Variants in GALNTL6 observed in about 807,000 individuals in gnomAD.
GALNTL6 encodes the protein polypeptide N-acetylgalactosaminyltransferase like 6, also known as polypeptide N-acetylgalactosaminyltransferase-like 6.
In GALNTL6, 46 loss-of-function variants were observed where a neutral mutation model predicts 73.7. The observed-to-expected ratio is 0.62, with a 90% CI of 0.49 to 0.80. The LOEUF (loss-of-function observed/expected upper bound fraction) is 0.80, where lower values mean the gene tolerates loss of function less well. Ranked by LOEUF, GALNTL6 falls within the 30% of genes least tolerant of loss-of-function variation. The pLI is 0.00. For synonymous variants in GALNTL6, 259 were observed against 263.7 expected (o/e 0.98, Z 0.17); for missense variants, 604 against 755.0 (o/e 0.80, Z 2.34).
At chr4:172,490,865 AC>A (rs924465278) in intron 5 of GALNTL6, among the ~76,000 whole-genome samples, 1 of 152,166 alleles carries the variant, frequency 6.6e-6, no homozygotes, top group African/African-American at 2.4e-5. Flanking sequence ...GCATAAAGTC[AC>A]GTTGAAGACT....
rs1436423865 is a variant in GALNTL6 at position 172,839,447 on chromosome 4, C to T, written c.923+25724C>T. On this transcript the variant is annotated intron_variant, in intron 7 of 12. Coordinates refer to ENST00000506823, the MANE Select transcript of GALNTL6 (RefSeq NM_001034845.3). ...TTAAATAAAAATTCCCTTAATGTTCCTAACAGTCTTGATTAAACTGTGAGC... is the reference window on the plus strand; with the variant it reads ...TTAAATAAAAATTCCCTTAATGTTCTTAACAGTCTTGATTAAACTGTGAGC... 3.3e-5 allele frequency among the ~76,000 whole-genome samples: 5 copies of T among 152,176 alleles called. No individual in the cohort carries two copies. In the East Asian group the frequency reaches 9.6e-4, roughly 29 times the overall value.
intron 4 of GALNTL6, among the ~76,000 whole-genome samples, chr4:172,312,875 A>G (rs186750884): frequency 1.3e-5 from 2 of 152,220 alleles, no homozygotes; most frequent in African/African-American, 2.4e-5. Context: ...TAAACAGAGG[A>G]CTAATGTGAA....
intron 11 of GALNTL6, among the ~76,000 whole-genome samples, chr4:173,010,827 G>C (rs868823846): frequency 1.3e-5 from 2 of 148,264 alleles, no homozygotes; most frequent in Admixed American, 6.8e-5. Flanking sequence ...GAATGGTCTC[G>C]ATCTCCTGAC....
At chr4:172,799,057 A>T (rs138007959) in intron 5 of GALNTL6, among the ~76,000 whole-genome samples, 2 of 152,330 alleles carry the variant, frequency 1.3e-5, no homozygotes, top group Non-Finnish European at 2.9e-5. Flanking sequence ...ATGGGGGATT[A>T]GCTAAGATAA....
intron 5 of GALNTL6, among the ~76,000 whole-genome samples, chr4:172,553,447 T>C (rs920292777): frequency 6.6e-6 from 1 of 152,168 alleles, no homozygotes; most frequent in Admixed American, 6.6e-5. Flanking sequence ...TTCATAAATG[T>C]CTCTTGGGAC....
intron 2 of GALNTL6, among the ~76,000 whole-genome samples, chr4:171,913,479 T>TG (rs1386477656): frequency 6.6e-6 from 1 of 152,222 alleles, no homozygotes; most frequent in African/African-American, 2.4e-5. Context: ...TTGACACTTA[T>TG]GGCTAAAATG....
chr4:172,539,875 TTATATATATATATATA>T (rs10589603), intron 5 of GALNTL6, among the ~76,000 whole-genome samples: 11 of 126,682 alleles, frequency 8.7e-5, no homozygotes, highest in African/African-American at 2.7e-4. Context: ...ATACATATGA[TTATATATATATATATA>T]TATATATATA....
intron 3 of GALNTL6, among the ~76,000 whole-genome samples, chr4:172,273,280 T>C (rs1437352348): frequency 1.3e-5 from 2 of 152,150 alleles, no homozygotes; most frequent in Non-Finnish European, 2.9e-5. Context: ...AAACCACAGA[T>C]ACAATAGTGT....
At chr4:172,976,487 C>T (rs964111980) in intron 10 of GALNTL6, among the ~76,000 whole-genome samples, 5 of 152,106 alleles carry the variant, frequency 3.3e-5, no homozygotes, top group Non-Finnish European at 5.9e-5. Context: ...AAGTACAGTA[C>T]GTGGGCCACA....
intron 5 of GALNTL6, among the ~76,000 whole-genome samples, chr4:172,425,743 A>C (rs2111370990): frequency 6.6e-6 from 1 of 152,210 alleles, no homozygotes; most frequent in South Asian, 2.1e-4. Context: ...TAAGTAGTTA[A>C]TTAATTTTAT....
chr4:172,960,016 GTTAA>G (rs1749959710), intron 10 of GALNTL6, among the ~76,000 whole-genome samples: 1 of 152,230 alleles, frequency 6.6e-6, no homozygotes, highest in Admixed American at 6.5e-5. Context: ...TAAAGGTGAG[GTTAA>G]TTAAGTCCTG....
intron 2 of GALNTL6, among the ~76,000 whole-genome samples, chr4:171,934,798 CT>C (rs1187181694): frequency 6.6e-6 from 1 of 152,162 alleles, no homozygotes; most frequent in African/African-American, 2.4e-5. Context: ...ACTACAGTTT[CT>C]GTTAATGTTT....
intron 10 of GALNTL6, among the ~76,000 whole-genome samples, chr4:172,988,355 G>C (rs1472106517): frequency 3.9e-5 from 6 of 152,122 alleles, no homozygotes; most frequent in African/African-American, 1.4e-4. Context: ...AGGGTATCTG[G>C]CAAAAGAAAT....
Position 172,171,238 on chromosome 4 carries a change from T to C in GALNTL6, c.139-58418T>C, listed in dbSNP as rs900598389. ...AGATTTTCAAAGTGAAGGTTATGGCTGAATATTCACATGAGTGATTTTTTT... is the reference window on the plus strand; with the variant it reads ...AGATTTTCAAAGTGAAGGTTATGGCCGAATATTCACATGAGTGATTTTTTT... On this transcript the variant is annotated intron_variant, in intron 2 of 12. Coordinates refer to ENST00000506823, the MANE Select transcript of GALNTL6 (RefSeq NM_001034845.3). Among the ~76,000 whole-genome samples the C allele has an allele frequency of 5.9e-5, 9 of 152,226 alleles. No individual in the cohort carries two copies. The East Asian group carries it at 1.7e-3, about 29-fold the overall frequency.
chr4:172,345,755 A>G (rs1241764499), intron 4 of GALNTL6, among the ~76,000 whole-genome samples: 1 of 152,206 alleles, frequency 6.6e-6, no homozygotes, highest in Non-Finnish European at 1.5e-5. Flanking sequence ...GGAGGTAATC[A>G]CAGAATGTAG....
chr4:172,097,288 A>G (rs1369919166), intron 2 of GALNTL6, among the ~76,000 whole-genome samples: 2 of 152,204 alleles, frequency 1.3e-5, no homozygotes, highest in Non-Finnish European at 2.9e-5. Flanking sequence ...AATATCCACG[A>G]AGTGCTATCT....
At chr4:172,658,415 C>T (rs1238292770) in intron 5 of GALNTL6, among the ~76,000 whole-genome samples, 3 of 145,936 alleles carry the variant, frequency 2.1e-5, no homozygotes, top group African/African-American at 2.6e-5. Context: ...TGTAGTGAGC[C>T]GAGATCGCAC....
At chr4:172,140,780 A>G (rs1004510843) in intron 2 of GALNTL6, among the ~76,000 whole-genome samples, 4 of 152,082 alleles carry the variant, frequency 2.6e-5, no homozygotes, top group Non-Finnish European at 5.9e-5. Context: ...AGCAAAGACC[A>G]TAAGAGGTTA....
intron 3 of GALNTL6, among the ~76,000 whole-genome samples, chr4:172,243,955 A>G (rs925437651): frequency 2.0e-5 from 3 of 152,114 alleles, no homozygotes; most frequent in African/African-American, 4.8e-5. Context: ...GTCATCTTTT[A>G]TTGAAGCCTC....
Sources: allele counts gnomAD v4.1 joint callset (sites outside exome capture counted in the v4.1 genomes callset), GRCh38; gene constraint gnomAD v4.1.1; transcripts MANE v1.5; gene names NCBI Gene and HGNC (gene_info 2026-07-23, HGNC 2026-07-21).